The following ANKS1B variants were observed in gnomAD, a reference collection of about 807,000 sequenced individuals.
ANKS1B encodes the protein ankyrin repeat and sterile alpha motif domain-containing protein 1B.
Under a neutral mutation model 148.3 loss-of-function variants are expected in ANKS1B, and 36 were observed. That is an observed-to-expected ratio of 0.24 (90% confidence interval 0.19 to 0.32). The LOEUF (loss-of-function observed/expected upper bound fraction) is 0.32, where lower values mean the gene tolerates loss of function less well. Ranked by LOEUF, ANKS1B falls within the 10% of genes least tolerant of loss-of-function variation. The pLI is 1.00. For synonymous variants in ANKS1B, 542 were observed against 560.8 expected (o/e 0.97, Z 0.47); for missense variants, 1,157 against 1,542.6 (o/e 0.75, Z 4.19).
At position 99,142,455 on chromosome 12, in the gene ANKS1B, A is replaced by G. The variant is rs187891677; in HGVS notation, c.2526+11834T>C. On this transcript the variant is annotated intron_variant, in intron 15 of 26. Transcript: ENST00000683438. The stretch of plus-strand genomic sequence containing the variant: ...TTATGAAGGGAAGAAGAGTAAGTGG[A>G]TAGTGTCTAGAGCAGAATAAGAATT... Among the ~76,000 whole-genome samples the G allele has an allele frequency of 3.3e-3, 500 of 152,180 alleles. 2 individuals are homozygous for G. The highest frequency in any genetic ancestry group is 0.012 in the African/African-American group (479 of 41,550).
At chr12:99,412,513 T>C (rs976116245) in intron 11 of ANKS1B, among the ~76,000 whole-genome samples, 2 of 152,210 alleles carry the variant, frequency 1.3e-5, no homozygotes, top group African/African-American at 4.8e-5. Context: ...CACTCATTGT[T>C]CCAGTGACAT....
At chr12:99,610,956 A>G (rs1455089906) in intron 9 of ANKS1B, among the ~76,000 whole-genome samples, 1 of 152,020 alleles carries the variant, frequency 6.6e-6, no homozygotes, top group Non-Finnish European at 1.5e-5. Flanking sequence ...AAAGTCCCCA[A>G]AGGTTCTTCC....
At chr12:99,204,679 T>TC (rs1164990709) in intron 14 of ANKS1B, among the ~76,000 whole-genome samples, 1 of 152,212 alleles carries the variant, frequency 6.6e-6, no homozygotes, top group Non-Finnish European at 1.5e-5. Flanking sequence ...TTTTGACGAT[T>TC]CCCCCCTAAA....
At chr12:99,366,467 T>A (rs984891391) in intron 12 of ANKS1B, among the ~76,000 whole-genome samples, 1 of 152,116 alleles carries the variant, frequency 6.6e-6, no homozygotes, top group Non-Finnish European at 1.5e-5. Context: ...TAAACCTCTA[T>A]AATTAAAACA....
At chr12:99,858,394 G>A (rs1039708895) in intron 1 of ANKS1B, among the ~76,000 whole-genome samples, 1 of 151,998 alleles carries the variant, frequency 6.6e-6, no homozygotes, top group Non-Finnish European at 1.5e-5. Context: ...GTGTGGATGT[G>A]GTAAAAATGG....
chr12:99,784,732 T>C (rs2064813291), intron 4 of ANKS1B, among the ~76,000 whole-genome samples: 2 of 152,230 alleles, frequency 1.3e-5, no homozygotes, highest in Admixed American at 1.3e-4. Context: ...CAAATTCCCC[T>C]GTGATTCTGT....
chr12:98,757,286 T>C (rs1190243740), intron 25 of ANKS1B, among the ~76,000 whole-genome samples: 2 of 152,202 alleles, frequency 1.3e-5, no homozygotes, highest in South Asian at 4.1e-4. Context: ...TCTCCAGCCA[T>C]TGCAGGCACT....
At chr12:99,138,943 TTTTC>T (rs887360299) in intron 15 of ANKS1B, among the ~76,000 whole-genome samples, 1 of 151,694 alleles carries the variant, frequency 6.6e-6, no homozygotes, top group African/African-American at 2.4e-5. Flanking sequence ...CTCTCTTTCT[TTTTC>T]TTTCTCTCTC....
Position 99,936,614 on chromosome 12 carries a change from G to A in ANKS1B, c.134+47490C>T, listed in dbSNP as rs181214644. Among the ~76,000 whole-genome samples the A allele has an allele frequency of 6.8e-3, 1,030 of 152,080 alleles. 6 individuals are homozygous for A. Among genetic ancestry groups the A allele is most frequent in the South Asian group, 0.016 (77 of 4,806 alleles). On this transcript the variant is annotated intron_variant, in intron 1 of 26. Coordinates refer to ENST00000683438, the MANE Select transcript of ANKS1B (RefSeq NM_001352186.2). Reference sequence around the variant, plus strand: ...ACTGGGAATATCTACTTCTCCCTTCGCAGTCTTTTATTCAATATAAACCAT... The same window carrying A: ...ACTGGGAATATCTACTTCTCCCTTCACAGTCTTTTATTCAATATAAACCAT...
intron 8 of ANKS1B, among the ~76,000 whole-genome samples, chr12:99,674,824 T>A (rs2098554801): frequency 6.6e-6 from 1 of 151,902 alleles, no homozygotes; most frequent in Admixed American, 6.6e-5. Flanking sequence ...AATACTAAAA[T>A]TCTAAAACAC....
chr12:99,481,771 A>G (rs1203759956), intron 10 of ANKS1B, among the ~76,000 whole-genome samples: 7 of 151,938 alleles, frequency 4.6e-5, no homozygotes, highest in South Asian at 2.1e-4. Context: ...TTCCCTGATT[A>G]GTGATGCTGA....
At chr12:99,795,867 T>C (rs1602321010) in intron 4 of ANKS1B, among the ~76,000 whole-genome samples, 2 of 152,128 alleles carry the variant, frequency 1.3e-5, no homozygotes, top group East Asian at 3.8e-4. Flanking sequence ...CTGTAACTTC[T>C]GTAGTTTGAG....
chr12:98,960,281 C>CACAG lies in ANKS1B; in HGVS notation c.2778+92875_2778+92876insCTGT, dbSNP rs143021937. 6.7e-3 allele frequency among the ~76,000 whole-genome samples: 1,012 copies of CACAG among 150,112 alleles called. 16 individuals are homozygous for CACAG. Among genetic ancestry groups the CACAG allele is most frequent in the African/African-American group, 0.024 (968 of 41,106 alleles). On this transcript the variant is annotated intron_variant, in intron 17 of 26. Transcript: ENST00000683438. ...ACCCACAGTTCTAGGCAGCTCAGCA[C>CACAG]AGAGAGAGAGAGAGAGAGATGCCAT... is the stretch of plus-strand genomic sequence containing the variant.
chr12:98,874,386 A>G (rs2099681823), intron 17 of ANKS1B, among the ~76,000 whole-genome samples: 1 of 152,188 alleles, frequency 6.6e-6, no homozygotes, highest in Admixed American at 6.5e-5. Flanking sequence ...AGCAGATGTG[A>G]TATATTTGAA....
chr12:99,138,032 G>T (rs918654198), intron 15 of ANKS1B, among the ~76,000 whole-genome samples: 1 of 151,944 alleles, frequency 6.6e-6, no homozygotes, highest in African/African-American at 2.4e-5. Context: ...AAGCAAATGT[G>T]TTTATTATTA....
intron 12 of ANKS1B, among the ~76,000 whole-genome samples, chr12:99,297,430 T>G (rs1409404891): frequency 6.6e-6 from 1 of 152,196 alleles, no homozygotes; most frequent in Non-Finnish European, 1.5e-5. Flanking sequence ...AGAATTTTAT[T>G]TGCTGAGCTA....
intron 12 of ANKS1B, among the ~76,000 whole-genome samples, chr12:99,291,575 C>G (rs949994934): frequency 1.3e-5 from 2 of 152,212 alleles, no homozygotes; most frequent in African/African-American, 4.8e-5. Flanking sequence ...ACAGAGAACC[C>G]AGAAATAAAT....
intron 12 of ANKS1B, among the ~76,000 whole-genome samples, chr12:99,253,942 A>T (rs1189489323): frequency 6.6e-6 from 1 of 152,214 alleles, no homozygotes; most frequent in Non-Finnish European, 1.5e-5. Flanking sequence ...GAATATCAGA[A>T]ATATCAGAGA....
At chr12:99,372,756 T>C (rs945295513) in intron 12 of ANKS1B, among the ~76,000 whole-genome samples, 17 of 152,230 alleles carry the variant, frequency 1.1e-4, no homozygotes, top group African/African-American at 3.8e-4. Context: ...GTACACTGTG[T>C]CAAGTTTTTT....
Sources: allele counts gnomAD v4.1 joint callset (sites outside exome capture counted in the v4.1 genomes callset), GRCh38; gene constraint gnomAD v4.1.1; transcripts MANE v1.5; gene names NCBI Gene and HGNC (gene_info 2026-07-23, HGNC 2026-07-21).